Variants in AGO3 observed in about 807,000 individuals in gnomAD.
AGO3 encodes argonaute RISC catalytic component 3, also known as protein argonaute-3.
Under a neutral mutation model 105.5 loss-of-function variants are expected in AGO3, and 16 were observed. The ratio of observed to expected loss-of-function variants is 0.15; its 90% CI spans 0.10 to 0.23. The LOEUF (loss-of-function observed/expected upper bound fraction) is 0.23. AGO3 is among the 10% of genes least tolerant of loss of function. AGO3 has a pLI of 1.00. For missense variants in AGO3, 534 were observed against 1,088.0 expected (o/e 0.49, Z 7.16); for synonymous variants, 340 against 367.3 (o/e 0.93, Z 0.85).
intron 5 of AGO3, among the ~76,000 whole-genome samples, chr1:35,995,766 C>G (rs1333361961): frequency 6.6e-6 from 1 of 152,162 alleles, no homozygotes; most frequent in East Asian, 1.9e-4. Context: ...CAACCTCTGC[C>G]TCCCGAGTCC....
chr1:36,055,675 G>C lies in AGO3; in HGVS notation c.2513G>C (p.Arg838Pro). The change falls in exon 19 of 19, where the codon CGA (arginine) becomes CCA (proline). Residue 838 changes from arginine (R) to proline (P), a missense_variant. By Grantham distance (103) the Arg-to-Pro change is moderately radical. This residue lies in a region of AGO3 where 373 missense variants were observed against 854.0 expected (regional missense o/e 0.44). Transcript: ENST00000373191. This position sits in a 1 kb window ranked among gnomAD's most constrained non-coding sequence, Gnocchi z 4.4. ...CACGTTTCAGGACAAAGCAATGGGC[G>C]AGATCCACAAGCTCTTGCCAAGGCT... The part of the protein sequence containing the change: ...GSHVSGQSNG[R>P]DPQALAKAVQ... 1 of 1,614,134 alleles carries C rather than the reference G, an allele frequency of 6.2e-7. No homozygotes were observed. The highest frequency in any genetic ancestry group is 8.5e-7 in the Non-Finnish European group (1 of 1,180,026).
chr1:35,958,352 G>A (rs1252220081), intron 2 of AGO3, among the ~76,000 whole-genome samples: 1 of 151,868 alleles, frequency 6.6e-6, no homozygotes, highest in Admixed American at 6.6e-5. Context: ...CTGCACTCCA[G>A]TCTAGGCGAC....
rs185796596 is a variant in AGO3 at position 36,058,320 on chromosome 1, T to C, written c.*2575T>C. The C allele has an allele frequency of 2.0e-4, 31 of 152,340 alleles. No individual in the cohort carries two copies. Among genetic ancestry groups the C allele is most frequent in the Admixed American group, 1.4e-3 (22 of 15,304 alleles). The allele number at this position is 152,340 out of a possible 1,614,324, so 9.4% of individuals were successfully genotyped here. A position where few individuals can be genotyped will look rare whatever the true frequency, so the allele number is the denominator to read the frequency against. On this transcript the variant is annotated 3_prime_UTR_variant, in exon 19 of 19. Coordinates refer to ENST00000373191, the MANE Select transcript of AGO3 (RefSeq NM_024852.4). ...CGTGGGAAATTGTTTTACAAAACTTTTATTGATTACACTTTAAGGTATTAA... is the reference window on the plus strand; with the variant it reads ...CGTGGGAAATTGTTTTACAAAACTTCTATTGATTACACTTTAAGGTATTAA...
Position 36,027,260 on chromosome 1 carries a change from T to G in AGO3, c.1553T>G (p.Leu518Arg). The change falls in exon 12 of 19, where the codon CTT (leucine) becomes CGT (arginine). Residue 518 changes from leucine to arginine, a missense_variant. This residue lies in a region of AGO3 where 373 missense variants were observed against 854.0 expected (regional missense o/e 0.44). Coordinates refer to ENST00000373191, the MANE Select transcript of AGO3 (RefSeq NM_024852.4). The surrounding 1 kb of genome is among the most constrained non-coding windows in gnomAD (Gnocchi z 4.0). ...AAGAACACATATTCTGGCCTACAGC[T>G]TATTATCGTCATCCTGCCGGGGAAG... is the stretch of plus-strand genomic sequence containing the variant. ...HLKNTYSGLQ[L>R]IIVILPGKTP... 6.2e-7 allele frequency: 1 copy of G among 1,613,782 alleles called. No homozygotes were observed. Among genetic ancestry groups the G allele is most frequent in the Non-Finnish European group, 8.5e-7 (1 of 1,179,830 alleles).
Position 36,046,915 on chromosome 1 carries a change from G to A in AGO3, c.2274+3367G>A, listed in dbSNP as rs554790820. ...GATATTGGGATAGCCCAAATATATTGAGATACAAGAAAATACCAATAGACA... is the reference window on the plus strand; with the variant it reads ...GATATTGGGATAGCCCAAATATATTAAGATACAAGAAAATACCAATAGACA... On this transcript the variant is annotated intron_variant, in intron 17 of 18. Transcript: ENST00000373191. Among the ~76,000 whole-genome samples, 8 of 152,206 alleles carry A rather than the reference G, an allele frequency of 5.3e-5. No homozygotes were observed. The South Asian group carries it at 1.7e-3, about 32-fold the overall frequency.
chr1:36,009,109 C>T lies in AGO3; in HGVS notation c.1029+65C>T, dbSNP rs979736468. The T allele has an allele frequency of 4.0e-5, 55 of 1,364,768 alleles. 2 individuals are homozygous for T. In the Middle Eastern group the frequency reaches 1.9e-3, roughly 47 times the overall value. 84.5% of individuals were successfully genotyped at this position (1,364,768 alleles called of 1,614,324 possible). A position where few individuals can be genotyped will look rare whatever the true frequency, so the allele number is the denominator to read the frequency against. On this transcript the variant is annotated intron_variant, in intron 8 of 18. Coordinates refer to ENST00000373191, the MANE Select transcript of AGO3 (RefSeq NM_024852.4). ...TGATTCTTTTGGGGTCTTTTATGGC[C>T]GATAACTTACCTCATACAGAACATT...
At position 36,011,771 on chromosome 1, in the gene AGO3, CACTT is replaced by C. The variant is rs1005472167; in HGVS notation, c.1150-1853_1150-1850del. Among the ~76,000 whole-genome samples the C allele has an allele frequency of 2.0e-5, 3 of 152,192 alleles. No individual in the cohort carries two copies. In the South Asian group the frequency reaches 6.2e-4, roughly 31 times the overall value. On this transcript the variant is annotated intron_variant, in intron 9 of 18. Transcript: ENST00000373191. ...ACATGGTTTCACATTCTGTCTACAT[CACTT>C]ACTTAGCTGTGCGGTTTTTGGCAAT...
intron 13 of AGO3, 36 bp downstream of exon 13, chr1:36,034,369 T>G: frequency 1.3e-6 from 2 of 1,498,214 alleles, no homozygotes; most frequent in Non-Finnish European, 1.8e-6. Flanking sequence ...AATATTATTT[T>G]TATATCTTCA....
At chr1:36,024,094 G>A (rs1356532620) in intron 11 of AGO3, among the ~76,000 whole-genome samples, 2 of 149,308 alleles carry the variant, frequency 1.3e-5, no homozygotes, top group South Asian at 2.1e-4. Context: ...AAGTTCAATG[G>A]TCTCTTCTTA....
At chr1:35,952,215 C>T (rs778201375) in intron 2 of AGO3, among the ~76,000 whole-genome samples, 9 of 145,660 alleles carry the variant, frequency 6.2e-5, no homozygotes, top group Non-Finnish European at 1.2e-4. Flanking sequence ...GGCGCGATCG[C>T]GGCTCACTGC....
intron 13 of AGO3, among the ~76,000 whole-genome samples, chr1:36,034,967 G>A (rs1641939752): frequency 6.6e-6 from 1 of 152,210 alleles, no homozygotes; most frequent in Admixed American, 6.5e-5. Flanking sequence ...TATTGTGCAA[G>A]TCACTGAGGA....
Position 36,013,732 on chromosome 1 carries a change from A to G in AGO3, c.1252A>G (p.Met418Val). 3 of 1,614,144 alleles carry G rather than the reference A, an allele frequency of 1.9e-6. No homozygotes were observed. The highest frequency in any genetic ancestry group is 2.5e-6 in the Non-Finnish European group (3 of 1,179,990). The part of the protein sequence containing the change: ...HVTGRVLPAP[M>V]LQYGGRNRTV... ...AACTGGACGCGTACTTCCAGCACCT[A>G]TGCTCCAGTATGGAGGACGGGTAAA... The change falls in exon 10 of 19, where the codon ATG becomes GTG. Residue 418 changes from methionine (M) to valine (V), a missense_variant. Physicochemically the swap from Met to Val is conservative, Grantham distance 21. Around this residue, in one of 2 missense-constraint regions of AGO3, gnomAD observed 373 missense variants for 854.0 expected, o/e 0.44. Coordinates refer to ENST00000373191, the MANE Select transcript of AGO3 (RefSeq NM_024852.4).
intron 1 of AGO3, among the ~76,000 whole-genome samples, chr1:35,943,508 C>T (rs1440188279): frequency 1.3e-5 from 2 of 151,784 alleles, no homozygotes; most frequent in African/African-American, 2.4e-5. Context: ...ACCATGTTGG[C>T]CAGGCTGGTC....
At chr1:36,005,022 GC>G (rs1286583986) in intron 6 of AGO3, among the ~76,000 whole-genome samples, 1 of 152,008 alleles carries the variant, frequency 6.6e-6, no homozygotes, top group Non-Finnish European at 1.5e-5. Context: ...TTTGTACAGT[GC>G]TGTTGCATCA....
chr1:35,982,526 A>G, intron 5 of AGO3: 1 of 630,276 alleles, frequency 1.6e-6, no homozygotes. Flanking sequence ...ATAAAAACAA[A>G]TCAATGAAAT....
rs1401706383 is a variant in AGO3 at position 36,063,643 on chromosome 1, A to AT, written c.*7900dup. On this transcript the variant is annotated 3_prime_UTR_variant, in exon 19 of 19. Coordinates refer to ENST00000373191, the MANE Select transcript of AGO3 (RefSeq NM_024852.4). ...TAGGGAGAGCCAGGTATAAAGACTGATTAATAGAGTACTTCAGCTAATTAA... is the reference window on the plus strand; with the variant it reads ...TAGGGAGAGCCAGGTATAAAGACTGATTTAATAGAGTACTTCAGCTAATTAA... The AT allele has an allele frequency of 1.3e-5, 2 of 152,236 alleles. No homozygotes were observed. The highest frequency in any genetic ancestry group is 2.4e-5 in the African/African-American group (1 of 41,454). 9.4% of individuals were successfully genotyped at this position (152,236 alleles called of 1,614,324 possible). A position where few individuals can be genotyped will look rare whatever the true frequency, so the allele number is the denominator to read the frequency against.
chr1:35,981,566 C>T (rs12737062), intron 5 of AGO3, among the ~76,000 whole-genome samples: 5,828 of 152,216 alleles, frequency 0.038, 166 homozygotes, highest in South Asian at 0.069. Flanking sequence ...CAAATGTTAA[C>T]AATTAAAGAA....
intron 4 of AGO3, among the ~76,000 whole-genome samples, chr1:35,972,664 G>A (rs1047103749): frequency 1.3e-5 from 2 of 151,602 alleles, no homozygotes; most frequent in African/African-American, 2.4e-5. Context: ...ATGTGTACCC[G>A]TGTATTTTTT....
chr1:35,992,586 T>A (rs1216645179), intron 5 of AGO3, among the ~76,000 whole-genome samples: 1 of 152,174 alleles, frequency 6.6e-6, no homozygotes, highest in Non-Finnish European at 1.5e-5. Flanking sequence ...AGATGCTCAT[T>A]GTTAATCTGC....
Sources: allele counts gnomAD v4.1 joint callset (sites outside exome capture counted in the v4.1 genomes callset), GRCh38; gene constraint gnomAD v4.1.1; regional missense constraint gnomAD v4.1.1; non-coding constraint Gnocchi (gnomAD v3.1); transcripts MANE v1.5; gene names NCBI Gene and HGNC (gene_info 2026-07-23, HGNC 2026-07-21).